PFKFB4: variants seen among roughly 807,000 people sequenced by gnomAD.
PFKFB4 encodes the protein 6-phosphofructo-2-kinase/fructose-2,6-biphosphatase 4.
A neutral mutation model predicts 62.8 loss-of-function variants in PFKFB4; 42 were observed. The ratio of observed to expected loss-of-function variants is 0.67; its 90% confidence interval spans 0.52 to 0.86. The LOEUF is 0.86. PFKFB4 is among the 40% of genes least tolerant of loss of function. PFKFB4 has a pLI of 0.00. For missense variants in PFKFB4, 475 were observed against 627.2 expected, an observed-to-expected ratio of 0.76 and a Z score of 2.59; for synonymous variants, 204 against 240.7, an observed-to-expected ratio of 0.85 and a Z score of 1.41.
chr3:48,535,738 G>A, intron 8 of PFKFB4, 80 bp from the exon 9 acceptor site: 4 of 1,539,656 alleles, frequency 2.6e-6, no homozygotes, highest in Non-Finnish European at 3.6e-6. Flanking sequence ...GGGTCCATGA[G>A]ATCACCCTCG....
rs200914078 is a variant in PFKFB4 at position 48,536,468 on chromosome 3, C to G, written c.633-5G>C. On this transcript the variant is annotated splice_polypyrimidine_tract_variant and splice_region_variant and intron_variant, in intron 7 of 13. Coordinates refer to ENST00000232375, the MANE Select transcript of PFKFB4 (RefSeq NM_004567.4). ...ATCTTGATATAGGACAGGTCCCTGT[C>G]CAGAGAGAAAGTAGAAAGAGGCCTG... 1,820 of 1,598,902 alleles carry G rather than the reference C, an allele frequency of 1.1e-3. 14 individuals carry two copies. Among genetic ancestry groups the G allele is most frequent in the Middle Eastern group, 3.7e-3 (22 of 6,002 alleles).
chr3:48,534,597 G>C (rs2042530338), intron 9 of PFKFB4, among the ~76,000 whole-genome samples: 1 of 151,578 alleles, frequency 6.6e-6, no homozygotes, highest in Non-Finnish European at 1.5e-5. Flanking sequence ...CTTGAGCCCA[G>C]GAAGTTGAGG....
In PFKFB4 at chr3:48,556,609, A is replaced by G; in HGVS notation, c.97+72T>C. The G allele has an allele frequency of 6.9e-7, 1 of 1,441,790 alleles. No homozygotes were observed. Among genetic ancestry groups the G allele is most frequent in the Non-Finnish European group, 9.4e-7 (1 of 1,066,768 alleles). 89.3% of individuals were successfully genotyped at this position (1,441,790 alleles called of 1,614,324 possible). A position where few individuals can be genotyped will look rare whatever the true frequency, so the allele number is the denominator to read the frequency against. Reference sequence around the variant, plus strand: ...GTCTCCCGCCCCTTCTCCATGCGAGACCCCCGCCCAGGCCGCCCTACCCAC... The same window carrying G: ...GTCTCCCGCCCCTTCTCCATGCGAGGCCCCCGCCCAGGCCGCCCTACCCAC... On this transcript the variant is annotated intron_variant, in intron 1 of 13. Transcript: ENST00000232375. This position sits in a 1 kb window ranked among gnomAD's most constrained non-coding sequence, Gnocchi z 5.7.
chr3:48,520,497 A>C (rs1193121086), intron 13 of PFKFB4, among the ~76,000 whole-genome samples: 1 of 152,200 alleles, frequency 6.6e-6, no homozygotes, highest in Admixed American at 6.5e-5. Flanking sequence ...CATCACCTGC[A>C]GGAGCAGGTC....
At chr3:48,561,057 C>A, upstream of PFKFB4, 1 of 1,283,172 alleles carries the variant, frequency 7.8e-7, no homozygotes. The surrounding 1 kb of genome is among the most constrained non-coding windows in gnomAD (Gnocchi z 5.2). Flanking sequence ...CCTACCCCGC[C>A]TGCTGCTCCC....
chr3:48,519,851 A>G, intron 13 of PFKFB4, 45 bp from the exon 14 acceptor site: 1 of 1,459,140 alleles, frequency 6.9e-7, no homozygotes, highest in Non-Finnish European at 9.6e-7. Context: ...GCAGGAATAG[A>G]TGAGATGCCT....
In PFKFB4 at chr3:48,521,948, G is replaced by A; in HGVS notation, c.1350+38C>T. 2 of 1,581,454 alleles carry A rather than the reference G, an allele frequency of 1.3e-6. No homozygotes were observed. Among genetic ancestry groups the A allele is most frequent in the Non-Finnish European group, 1.7e-6 (2 of 1,150,314 alleles). ...GTGCAGTCTGGACACCCCCACATCA[G>A]GAACACCCCGCTACCCCAGCAGTGA... On this transcript the variant is annotated intron_variant, in intron 13 of 13. Transcript: ENST00000232375. This position sits in a 1 kb window ranked among gnomAD's most constrained non-coding sequence, Gnocchi z 5.3.
chr3:48,542,065 G>A (rs74997225), intron 4 of PFKFB4, among the ~76,000 whole-genome samples: 6 of 152,324 alleles, frequency 3.9e-5, no homozygotes, highest in Middle Eastern at 3.4e-3. Context: ...TAAAGAGAAA[G>A]GCTGGGCGTG....
chr3:48,535,670 C>T lies in PFKFB4; in HGVS notation c.841-12G>A. On this transcript the variant is annotated splice_polypyrimidine_tract_variant and intron_variant, in intron 8 of 13. Transcript: ENST00000232375. ...AGACTCTTGGCAAACTGAAATACAT[C>T]ATAAGCAAACTCAGACCCACAGGTC... 1 of 1,614,094 alleles carries T rather than the reference C, an allele frequency of 6.2e-7. No homozygotes were observed. Among genetic ancestry groups the T allele is most frequent in the Non-Finnish European group, 8.5e-7 (1 of 1,179,948 alleles).
intron 3 of PFKFB4, chr3:48,548,473 A>G (rs2043031054): frequency 6.6e-6 from 1 of 152,032 alleles, no homozygotes; most frequent in African/African-American, 2.4e-5. Flanking sequence ...CACACACACA[A>G]ATAATAATAA....
At chr3:48,525,292 G>A (rs1332174373) in intron 10 of PFKFB4, among the ~76,000 whole-genome samples, 1 of 152,200 alleles carries the variant, frequency 6.6e-6, no homozygotes, top group Non-Finnish European at 1.5e-5. Flanking sequence ...GAAGGGGAAA[G>A]ACAAGAATGG....
At chr3:48,554,009 C>T (rs1353012048) in intron 1 of PFKFB4, among the ~76,000 whole-genome samples, 1 of 152,162 alleles carries the variant, frequency 6.6e-6, no homozygotes, top group African/African-American at 2.4e-5. Flanking sequence ...AAGGTAAAAG[C>T]CTCCCAAGCC....
chr3:48,549,259 C>T (rs2107580745), intron 3 of PFKFB4, among the ~76,000 whole-genome samples: 1 of 152,274 alleles, frequency 6.6e-6, no homozygotes, highest in East Asian at 1.9e-4. Context: ...GAAGTGTGAA[C>T]GACTCACCCA....
chr3:48,535,809 G>T, intron 8 of PFKFB4, 151 bp from the exon 9 acceptor site: 2 of 873,888 alleles, frequency 2.3e-6, no homozygotes, highest in Non-Finnish European at 3.5e-6. Flanking sequence ...TGACACACAT[G>T]CTGACACACA....
At chr3:48,540,441 CT>C (rs1212119429) in intron 4 of PFKFB4, among the ~76,000 whole-genome samples, 2 of 152,312 alleles carry the variant, frequency 1.3e-5, no homozygotes, top group East Asian at 3.9e-4. Flanking sequence ...TAAAGAAGAG[CT>C]GGAGGCCCAG....
chr3:48,562,658 G>A (rs1024301678), upstream of PFKFB4: 1 of 905,564 alleles, frequency 1.1e-6, no homozygotes, highest in East Asian at 2.7e-5. This position sits in a 1 kb window ranked among gnomAD's most constrained non-coding sequence, Gnocchi z 4.3. Flanking sequence ...TCCAGACACT[G>A]TATGCCCAGA....
At chr3:48,537,616 C>T (rs1265810963) in intron 7 of PFKFB4, among the ~76,000 whole-genome samples, 1 of 150,526 alleles carries the variant, frequency 6.6e-6, no homozygotes, top group African/African-American at 2.5e-5. Flanking sequence ...CTTGACCTCC[C>T]TGGGCTTAGG....
chr3:48,562,863 CCA>C, upstream of PFKFB4: 2 of 1,594,734 alleles, frequency 1.3e-6, no homozygotes, highest in African/African-American at 2.7e-5. The surrounding 1 kb of genome is among the most constrained non-coding windows in gnomAD (Gnocchi z 4.3). Context: ...CGGGCTTGCT[CCA>C]GTAAGATCTG....
chr3:48,529,289 C>A (rs912430616), intron 9 of PFKFB4, among the ~76,000 whole-genome samples: 3 of 151,824 alleles, frequency 2.0e-5, no homozygotes, highest in Non-Finnish European at 2.9e-5. Flanking sequence ...AACTATAAGG[C>A]AATAAATTGT....
Sources: gnomAD v4.1 joint callset for allele counts (sites outside exome capture counted in the v4.1 genomes callset) on GRCh38, gnomAD v4.1.1 for gene constraint, Gnocchi (gnomAD v3.1) non-coding constraint, MANE v1.5 for transcripts, NCBI Gene and HGNC (gene_info 2026-07-23, HGNC 2026-07-21) for gene names.